Variants in ZBTB7C observed in about 807,000 individuals in gnomAD.
ZBTB7C encodes zinc finger and BTB domain containing 7C.
Under a neutral mutation model 25.7 loss-of-function variants are expected in ZBTB7C, and 8 were observed. That is an observed-to-expected ratio of 0.31 (90% CI 0.18 to 0.56). The LOEUF is 0.56. ZBTB7C is among the 20% of genes least tolerant of loss of function. The pLI is 0.91. For synonymous variants in ZBTB7C, 394 were observed against 369.0 expected, an observed-to-expected ratio of 1.07 and a Z score of -0.78; for missense variants, 824 against 855.2, an observed-to-expected ratio of 0.96 and a Z score of 0.46.
intron 3 of ZBTB7C, among the ~76,000 whole-genome samples, chr18:48,142,192 G>A (rs902750522): frequency 6.6e-6 from 1 of 152,226 alleles, no homozygotes; most frequent in Non-Finnish European, 1.5e-5. Context: ...ACTTCTTCCA[G>A]AACATAATGG....
At chr18:48,138,055 G>A (rs1277249062) in intron 3 of ZBTB7C, among the ~76,000 whole-genome samples, 16 of 152,250 alleles carry the variant, frequency 1.1e-4, no homozygotes, top group Non-Finnish European at 5.9e-5. Context: ...AGAAATGGGG[G>A]AAGCGCCAGG....
At chr18:48,047,927 C>T (rs2036536911) in intron 3 of ZBTB7C, among the ~76,000 whole-genome samples, 1 of 152,196 alleles carries the variant, frequency 6.6e-6, no homozygotes, top group African/African-American at 2.4e-5. Context: ...TTGCCCATTG[C>T]CACCCAGCCA....
At chr18:48,039,857 G>A (rs2036137297) in intron 4 of ZBTB7C, 43 bp downstream of exon 4, 2 of 1,593,856 alleles carry the variant, frequency 1.3e-6, no homozygotes, top group Non-Finnish European at 1.7e-6. Flanking sequence ...GTCCCCCATG[G>A]CCTCTGGCCC....
chr18:48,301,695 G>A (rs2045548954), intron 2 of ZBTB7C, among the ~76,000 whole-genome samples: 1 of 152,144 alleles, frequency 6.6e-6, no homozygotes, highest in South Asian at 2.1e-4. Flanking sequence ...AATGACTGAT[G>A]AGATGCACAG....
At chr18:48,405,372 G>A (rs1023224515) in intron 1 of ZBTB7C, among the ~76,000 whole-genome samples, 4 of 152,076 alleles carry the variant, frequency 2.6e-5, no homozygotes, top group African/African-American at 9.7e-5. Context: ...GAGTCAGAGG[G>A]AACCACATCT....
chr18:48,028,865 G>T lies in ZBTB7C; in HGVS notation c.*395C>A, dbSNP rs1278750954. On this transcript the variant is annotated 3_prime_UTR_variant, in exon 5 of 5. Coordinates refer to ENST00000590800, the MANE Select transcript of ZBTB7C (RefSeq NM_001318841.2). Reference sequence around the variant, plus strand: ...CCATAGGGGGTGGGGCTTAACCAAGGTGCATGCCCAGCCCCTACCTCCTCC... The same window carrying T: ...CCATAGGGGGTGGGGCTTAACCAAGTTGCATGCCCAGCCCCTACCTCCTCC... The T allele has an allele frequency of 2.3e-5, 5 of 220,528 alleles. No homozygotes were observed. The highest frequency in any genetic ancestry group is 4.4e-5 in the Non-Finnish European group (5 of 114,900). The allele number at this position is 220,528 out of a possible 1,614,324, so 13.7% of individuals were successfully genotyped here.
chr18:48,093,815 G>A (rs1384190037), intron 3 of ZBTB7C, among the ~76,000 whole-genome samples: 1 of 152,150 alleles, frequency 6.6e-6, no homozygotes, highest in Non-Finnish European at 1.5e-5. Context: ...CAGCACTTTG[G>A]GAGGCCAAAG....
chr18:48,304,046 C>G (rs138211866), intron 2 of ZBTB7C, among the ~76,000 whole-genome samples: 2 of 152,144 alleles, frequency 1.3e-5, no homozygotes, highest in Non-Finnish European at 2.9e-5. Context: ...GCGACCAGCC[C>G]AGGGTCCCCT....
At chr18:48,138,136 G>C (rs76636465) in intron 3 of ZBTB7C, among the ~76,000 whole-genome samples, 1 of 152,232 alleles carries the variant, frequency 6.6e-6, no homozygotes, top group African/African-American at 2.4e-5. Flanking sequence ...AGAGTCCAAC[G>C]AGGTGCTTGG....
At chr18:48,295,376 G>A (rs183843025) in intron 2 of ZBTB7C, among the ~76,000 whole-genome samples, 1 of 152,260 alleles carries the variant, frequency 6.6e-6, no homozygotes, top group African/African-American at 2.4e-5. Flanking sequence ...ATGATTTTGT[G>A]GAGGTGGAGG....
At chr18:48,088,963 A>C (rs1453038591) in intron 3 of ZBTB7C, among the ~76,000 whole-genome samples, 1 of 152,218 alleles carries the variant, frequency 6.6e-6, no homozygotes, top group East Asian at 1.9e-4. Context: ...ATGGGCAGCC[A>C]CTAAAGATAC....
intron 2 of ZBTB7C, among the ~76,000 whole-genome samples, chr18:48,236,834 C>T (rs752233485): frequency 2.0e-5 from 3 of 152,132 alleles, no homozygotes; most frequent in African/African-American, 7.2e-5. Flanking sequence ...AGGGTCCACA[C>T]AGAAAAACAA....
intron 2 of ZBTB7C, among the ~76,000 whole-genome samples, chr18:48,227,019 CAAAAA>C (rs1187830776): frequency 1.8e-5 from 1 of 56,118 alleles, no homozygotes; most frequent in Admixed American, 2.1e-4. Flanking sequence ...GACTCCATCT[CAAAAA>C]AAAAAAAAAA....
intron 2 of ZBTB7C, among the ~76,000 whole-genome samples, chr18:48,326,155 G>A (rs1474107870): frequency 2.0e-5 from 3 of 147,658 alleles, no homozygotes; most frequent in Non-Finnish European, 4.4e-5. Flanking sequence ...GAGTGCAGTG[G>A]CACAATCCTG....
intron 2 of ZBTB7C, among the ~76,000 whole-genome samples, chr18:48,218,203 C>A (rs1487016142): frequency 6.6e-6 from 1 of 152,190 alleles, no homozygotes; most frequent in Non-Finnish European, 1.5e-5. Context: ...CTCCTGCCAC[C>A]CTCACCCCAG....
intron 1 of ZBTB7C, among the ~76,000 whole-genome samples, chr18:48,342,002 C>G (rs934406170): frequency 6.6e-6 from 1 of 152,216 alleles, no homozygotes; most frequent in Admixed American, 6.5e-5. Flanking sequence ...CAGGCAGGGA[C>G]AGTGCCCTGG....
intron 3 of ZBTB7C, 88 bp from the exon 4 acceptor site, chr18:48,041,211 G>A: frequency 6.8e-7 from 1 of 1,465,694 alleles, no homozygotes; most frequent in South Asian, 1.4e-5. Flanking sequence ...CACCTCCTTG[G>A]CATAAGGGCT....
chr18:48,181,537 C>T (rs2041923187), intron 3 of ZBTB7C, among the ~76,000 whole-genome samples: 1 of 152,166 alleles, frequency 6.6e-6, no homozygotes, highest in Non-Finnish European at 1.5e-5. Flanking sequence ...GCCCCAAGAG[C>T]CCAAAGCTGC....
intron 3 of ZBTB7C, among the ~76,000 whole-genome samples, chr18:48,179,075 C>T (rs2041789828): frequency 6.6e-6 from 1 of 152,204 alleles, no homozygotes; most frequent in Non-Finnish European, 1.5e-5. Flanking sequence ...CCTTGGATGC[C>T]CTCTGCTGCC....
Sources: gnomAD v4.1 joint callset for allele counts (sites outside exome capture counted in the v4.1 genomes callset) on GRCh38, gnomAD v4.1.1 for gene constraint, MANE v1.5 for transcripts, NCBI Gene and HGNC (gene_info 2026-07-23, HGNC 2026-07-21) for gene names.